The following SREK1IP1 variants were observed in gnomAD, a reference collection of about 807,000 sequenced individuals.
SREK1IP1 encodes protein SREK1IP1.
SREK1IP1 carries 12 observed loss-of-function variants against 22.8 expected under a neutral mutation model. That is an observed-to-expected ratio of 0.53 (90% CI 0.34 to 0.85). SREK1IP1 has a LOEUF of 0.85. SREK1IP1 is among the 40% of genes least tolerant of loss of function. The probability of loss-of-function intolerance (pLI) is 0.02; values close to 1 mark genes in which losing one functional copy is unlikely to be tolerated. For synonymous variants in SREK1IP1, 53 were observed against 52.7 expected (o/e 1.01, Z -0.02); for missense variants, 147 against 171.8 (o/e 0.86, Z 0.81).
intron 1 of SREK1IP1, among the ~76,000 whole-genome samples, chr5:64,757,861 CTTTTTTTT>C (rs59456636): frequency 2.0e-3 from 147 of 72,958 alleles, no homozygotes; most frequent in African/African-American, 7.5e-3. Flanking sequence ...AGGTTCCTAT[CTTTTTTTT>C]TTTTTTTTTT....
In SREK1IP1 at chr5:64,735,765, A is replaced by G. The variant is rs80352018; in HGVS notation, c.205+5292T>C. On this transcript the variant is annotated intron_variant, in intron 3 of 4. Transcript: ENST00000513458. ...TTTTTCTCTCTCTTTTTAAAATCTC[A>G]TTAGTTTGGATAGTGATTTTTCAGT... 3.9e-3 allele frequency among the ~76,000 whole-genome samples: 600 copies of G among 152,128 alleles called. 9 individuals carry two copies. The highest frequency in any genetic ancestry group is 0.03 in the East Asian group (154 of 5,178).
At chr5:64,726,210 T>C (rs1742261978) in intron 4 of SREK1IP1, among the ~76,000 whole-genome samples, 1 of 152,048 alleles carries the variant, frequency 6.6e-6, no homozygotes, top group African/African-American at 2.4e-5. Flanking sequence ...GGCTGTGGCA[T>C]AGCAACACTT....
intron 1 of SREK1IP1, 139 bp downstream of exon 1, chr5:64,768,366 T>C (rs891930695): frequency 1.6e-5 from 18 of 1,093,286 alleles, no homozygotes; most frequent in Admixed American, 4.9e-5. Flanking sequence ...CTTTTTCATG[T>C]AAACAAAACA....
chr5:64,745,767 C>T lies in SREK1IP1; in HGVS notation c.62-4567G>A, dbSNP rs534955469. Among the ~76,000 whole-genome samples the T allele has an allele frequency of 6.1e-4, 93 of 152,160 alleles. 3 individuals are homozygous for T. The South Asian group carries it at 0.019, about 31-fold the overall frequency. ...TTAGCTTTGCTTCAAGCAAAGCGAC[C>T]CTAAGGTGATAAGACAAATTAATTG... is the stretch of plus-strand genomic sequence containing the variant. On this transcript the variant is annotated intron_variant, in intron 2 of 4. Coordinates refer to ENST00000513458, the MANE Select transcript of SREK1IP1 (RefSeq NM_173829.4).
chr5:64,745,955 C>T (rs1456760160), intron 2 of SREK1IP1, among the ~76,000 whole-genome samples: 1 of 152,056 alleles, frequency 6.6e-6, no homozygotes, highest in Admixed American at 6.5e-5. Flanking sequence ...GAGGATTCAC[C>T]CTTCTGGATT....
intron 2 of SREK1IP1, among the ~76,000 whole-genome samples, chr5:64,753,538 T>C (rs759278542): frequency 1.6e-4 from 25 of 152,340 alleles, no homozygotes; most frequent in Non-Finnish European, 3.2e-4. Flanking sequence ...ATTCTTTTAA[T>C]GTGCCCTTCT....
Position 64,719,244 on chromosome 5 carries a change from CTA to C in SREK1IP1, c.*5138_*5139del, listed in dbSNP as rs540675133. The C allele has an allele frequency of 2.8e-4, 43 of 152,290 alleles. 1 individual carries two copies. The East Asian group carries it at 7.5e-3, about 27-fold the overall frequency. 9.4% of individuals were successfully genotyped at this position (152,290 alleles called of 1,614,324 possible). A position where few individuals can be genotyped will look rare whatever the true frequency, so the allele number is the denominator to read the frequency against. The stretch of plus-strand genomic sequence containing the variant: ...AATTAATTTAAATAACCCTATGTGG[CTA>C]TACTGGCACCATAGTGCCAGATCAC... On this transcript the variant is annotated 3_prime_UTR_variant, in exon 5 of 5. Coordinates refer to ENST00000513458, the MANE Select transcript of SREK1IP1 (RefSeq NM_173829.4).
At chr5:64,764,209 C>T (rs1050947203) in intron 1 of SREK1IP1, among the ~76,000 whole-genome samples, 1 of 152,160 alleles carries the variant, frequency 6.6e-6, no homozygotes, top group Non-Finnish European at 1.5e-5. Context: ...TGCATTCAGT[C>T]GTCCTGAGCT....
Position 64,719,139 on chromosome 5 carries a change from G to T in SREK1IP1, c.*5245C>A, listed in dbSNP as rs1023250787. ...TTCTTTCTATATCTGCACTAATATG[G>T]TAGCCACCAGTCACATGTGGCTACT... is the stretch of plus-strand genomic sequence containing the variant. On this transcript the variant is annotated 3_prime_UTR_variant, in exon 5 of 5. Coordinates refer to ENST00000513458, the MANE Select transcript of SREK1IP1 (RefSeq NM_173829.4). 1.3e-5 allele frequency: 2 copies of T among 152,116 alleles called. No homozygotes were observed. Among genetic ancestry groups the T allele is most frequent in the African/African-American group, 4.8e-5 (2 of 41,430 alleles). The allele number at this position is 152,116 out of a possible 1,614,324, so 9.4% of individuals were successfully genotyped here.
rs567776838 is a variant in SREK1IP1, at chr5:64,766,194, A to G, written c.13+2311T>C. ...CTCTGACTTCTTTCCTAAGCTACAA[A>G]TTATATCTCTTACTATTAACTATTT... On this transcript the variant is annotated intron_variant, in intron 1 of 4. Coordinates refer to ENST00000513458, the MANE Select transcript of SREK1IP1 (RefSeq NM_173829.4). 3.9e-5 allele frequency among the ~76,000 whole-genome samples: 6 copies of G among 152,284 alleles called. No individual in the cohort carries two copies. The South Asian group carries it at 1.0e-3, about 26-fold the overall frequency.
In SREK1IP1 at chr5:64,728,002, A is replaced by G. The variant is rs1200412014; in HGVS notation, c.278+105T>C. The stretch of plus-strand genomic sequence containing the variant: ...AGCTCAATGAAAAGCTTAGTTGTTG[A>G]AGAAAAAATATTAAATTAACTATTA... On this transcript the variant is annotated intron_variant, in intron 4 of 4. Transcript: ENST00000513458. The G allele has an allele frequency of 7.0e-6, 7 of 998,596 alleles. No individual in the cohort carries two copies. In the African/African-American group the frequency reaches 1.1e-4, roughly 16 times the overall value. The allele number at this position is 998,596 out of a possible 1,614,324, so 61.9% of individuals were successfully genotyped here. A position where few individuals can be genotyped will look rare whatever the true frequency, so the allele number is the denominator to read the frequency against.
At chr5:64,728,692 T>C (rs536244494) in intron 3 of SREK1IP1, among the ~76,000 whole-genome samples, 1 of 152,302 alleles carries the variant, frequency 6.6e-6, no homozygotes, top group South Asian at 2.1e-4. Context: ...CTTTGAAAAA[T>C]GTACTGTCAC....
chr5:64,751,457 T>C (rs550277405), intron 2 of SREK1IP1, among the ~76,000 whole-genome samples: 10 of 152,294 alleles, frequency 6.6e-5, no homozygotes, highest in South Asian at 2.1e-4. Context: ...TAAAAAGCAA[T>C]TGACAAATTC....
chr5:64,748,430 T>C (rs1742681276), intron 2 of SREK1IP1, among the ~76,000 whole-genome samples: 1 of 152,210 alleles, frequency 6.6e-6, no homozygotes, highest in Non-Finnish European at 1.5e-5. Context: ...TGTGAATGTA[T>C]TTACTGCCAC....
chr5:64,749,398 T>C (rs145714841), intron 2 of SREK1IP1, among the ~76,000 whole-genome samples: 1 of 152,070 alleles, frequency 6.6e-6, no homozygotes, highest in East Asian at 1.9e-4. Flanking sequence ...CCCCTAAAAA[T>C]GCCGGCCTCT....
rs1292974819 is a variant in SREK1IP1 at position 64,723,526 on chromosome 5, A to G, written c.*858T>C. On this transcript the variant is annotated 3_prime_UTR_variant, in exon 5 of 5. Coordinates refer to ENST00000513458, the MANE Select transcript of SREK1IP1 (RefSeq NM_173829.4). The stretch of plus-strand genomic sequence containing the variant: ...ACAATAAAAATCAGTTCTAATAAAG[A>G]TTTAGCTATCTTCCTAAATAAAAAT... 1 of 152,620 alleles carries G rather than the reference A, an allele frequency of 6.6e-6. No homozygotes were observed. The highest frequency in any genetic ancestry group is 1.5e-5 in the Non-Finnish European group (1 of 68,022). The allele number at this position is 152,620 out of a possible 1,614,324, so 9.5% of individuals were successfully genotyped here. A position where few individuals can be genotyped will look rare whatever the true frequency, so the allele number is the denominator to read the frequency against.
rs1742808098 is a variant in SREK1IP1, at chr5:64,754,723, G to A, written c.14-361C>T. ...AAGCGATCCTCCTCTGGCCTCTCAA[G>A]GTGCTGGGATTGTAGGTAAGAGCCA... is the stretch of plus-strand genomic sequence containing the variant. On this transcript the variant is annotated intron_variant, in intron 1 of 4. Transcript: ENST00000513458. The A allele has an allele frequency of 1.7e-5, 3 of 177,698 alleles. No individual in the cohort carries two copies. In the South Asian group the frequency reaches 4.2e-4, roughly 25 times the overall value. 11.0% of individuals were successfully genotyped at this position (177,698 alleles called of 1,614,324 possible). A position where few individuals can be genotyped will look rare whatever the true frequency, so the allele number is the denominator to read the frequency against.
intron 1 of SREK1IP1, among the ~76,000 whole-genome samples, chr5:64,757,311 G>C (rs138717512): frequency 9.1e-4 from 139 of 152,210 alleles, no homozygotes; most frequent in Non-Finnish European, 8.2e-4. Flanking sequence ...TAGGAGGATC[G>C]CTCAAGCCCA....
chr5:64,755,194 G>C (rs1048428107), intron 1 of SREK1IP1, among the ~76,000 whole-genome samples: 1 of 148,664 alleles, frequency 6.7e-6, no homozygotes, highest in Non-Finnish European at 1.5e-5. Context: ...ATTCGACCCA[G>C]CAATTCCATT....
Sources: gnomAD v4.1 joint callset for allele counts (sites outside exome capture counted in the v4.1 genomes callset) on GRCh38, gnomAD v4.1.1 for gene constraint, MANE v1.5 for transcripts, NCBI Gene and HGNC (gene_info 2026-07-23, HGNC 2026-07-21) for gene names.